The following ATOSA variants were observed in gnomAD, a reference collection of about 807,000 sequenced individuals.
ATOSA encodes atos homolog protein A.
At chr15:52,678,274 C>T in the ATOSA span, 18 of 601,580 alleles carry the variant, frequency 3.0e-5, no homozygotes, top group African/African-American at 3.7e-5. Context: ...TGCACCGCCT[C>T]CCCCATCTCC....
At chr15:52,678,381 T>C in the ATOSA span, 86 of 351,070 alleles carry the variant, frequency 2.4e-4, no homozygotes, top group Non-Finnish European at 4.3e-4. Context: ...ATTTATAACC[T>C]GGAGGTACAG....
At chr15:52,628,786 A>G in the ATOSA span, among the ~76,000 whole-genome samples, 1,398 of 152,328 alleles carry the variant, frequency 9.2e-3, 9 homozygotes, top group Non-Finnish European at 0.013. Context: ...AAGTGCCATG[A>G]AAGTATAACA....
the ATOSA span, among the ~76,000 whole-genome samples, chr15:52,621,128 C>T: frequency 6.6e-6 from 1 of 152,082 alleles, no homozygotes; most frequent in Non-Finnish European, 1.5e-5. Flanking sequence ...CCTAAATATT[C>T]AACAATATGA....
the ATOSA span, among the ~76,000 whole-genome samples, chr15:52,624,657 T>C: frequency 6.6e-6 from 1 of 152,238 alleles, no homozygotes; most frequent in Non-Finnish European, 1.5e-5. Flanking sequence ...TATTCATTTC[T>C]TTAGAATATT....
the ATOSA span, among the ~76,000 whole-genome samples, chr15:52,697,032 A>G: frequency 1.8e-3 from 274 of 152,254 alleles, 1 homozygote; most frequent in African/African-American, 6.3e-3. Flanking sequence ...TCTGGCTAGC[A>G]TACAGGATAA....
At chr15:52,589,857 G>C in the ATOSA span, among the ~76,000 whole-genome samples, 1 of 151,206 alleles carries the variant, frequency 6.6e-6, no homozygotes, top group African/African-American at 2.4e-5. Context: ...ACACGATCTT[G>C]GCTCAGTGCA....
chr15:52,706,099 A>C, the ATOSA span, among the ~76,000 whole-genome samples: 1 of 152,226 alleles, frequency 6.6e-6, no homozygotes, highest in African/African-American at 2.4e-5. Context: ...GTTAGGGGAG[A>C]TAGGTCAGGG....
At chr15:52,667,741 T>A in the ATOSA span, among the ~76,000 whole-genome samples, 1 of 152,190 alleles carries the variant, frequency 6.6e-6, no homozygotes, top group Non-Finnish European at 1.5e-5. Context: ...GGATACATGT[T>A]GTATCTGGGG....
chr15:52,601,158 T>C, the ATOSA span: 4 of 1,539,322 alleles, frequency 2.6e-6, no homozygotes, highest in Non-Finnish European at 3.5e-6. Flanking sequence ...TGTTTTTCTT[T>C]GAGGAACCTA....
At chr15:52,675,494 C>G in the ATOSA span, among the ~76,000 whole-genome samples, 4 of 152,238 alleles carry the variant, frequency 2.6e-5, no homozygotes, top group African/African-American at 9.6e-5. Flanking sequence ...AACTTTAACT[C>G]TTTGAAGCAC....
the ATOSA span, chr15:52,593,709 G>C: frequency 6.4e-7 from 1 of 1,555,538 alleles, no homozygotes; most frequent in Non-Finnish European, 8.7e-7. Context: ...ATGCCGAGAG[G>C]ATCGAAACGA....
At chr15:52,626,508 G>C in the ATOSA span, among the ~76,000 whole-genome samples, 2 of 131,612 alleles carry the variant, frequency 1.5e-5, no homozygotes, top group African/African-American at 2.8e-5. Flanking sequence ...GCTTCTGTGG[G>C]AGAAAAGATA....
At chr15:52,700,720 T>G in the ATOSA span, among the ~76,000 whole-genome samples, 1 of 152,244 alleles carries the variant, frequency 6.6e-6, no homozygotes, top group Admixed American at 6.5e-5. Context: ...GTTTTTAAGT[T>G]GTTGCTTTCC....
the ATOSA span, among the ~76,000 whole-genome samples, chr15:52,689,426 A>C: frequency 1.3e-5 from 2 of 152,228 alleles, no homozygotes; most frequent in African/African-American, 4.8e-5. Flanking sequence ...TGAAATCCAC[A>C]TAGCAAAGAT....
the ATOSA span, among the ~76,000 whole-genome samples, chr15:52,686,323 A>G: frequency 5.6e-4 from 86 of 152,386 alleles, no homozygotes; most frequent in African/African-American, 2.0e-3. Flanking sequence ...AAAAGTAGAT[A>G]TAAACAGCAG....
the ATOSA span, among the ~76,000 whole-genome samples, chr15:52,639,139 T>G: frequency 1.3e-5 from 2 of 151,752 alleles, no homozygotes. Flanking sequence ...TTACCTTTTA[T>G]ATTAAGTATT....
At chr15:52,652,011 G>T in the ATOSA span, 2 of 1,520,356 alleles carry the variant, frequency 1.3e-6, no homozygotes, top group African/African-American at 1.4e-5. Flanking sequence ...AATGTTCAGC[G>T]TTGGGTGCTG....
At chr15:52,675,770 T>TG in the ATOSA span, among the ~76,000 whole-genome samples, 3 of 151,740 alleles carry the variant, frequency 2.0e-5, no homozygotes, top group Non-Finnish European at 4.4e-5. Context: ...TAGCCGGGCG[T>TG]GGAGGCGGGC....
the ATOSA span, among the ~76,000 whole-genome samples, chr15:52,665,080 G>T: frequency 6.6e-6 from 1 of 152,214 alleles, no homozygotes. Context: ...GGACATAGAA[G>T]TGGGAACAAT....
Sources: allele counts gnomAD v4.1 joint callset (sites outside exome capture counted in the v4.1 genomes callset), GRCh38; gene constraint gnomAD v4.1.1; transcripts MANE v1.5; gene names NCBI Gene and HGNC (gene_info 2026-07-23, HGNC 2026-07-21).